Variants in IFT52 observed in about 807,000 individuals in gnomAD.
IFT52 encodes intraflagellar transport 52.
In IFT52, 44 loss-of-function variants were observed where a neutral mutation model predicts 54.4. That is an observed-to-expected ratio of 0.81 (90% CI 0.63 to 1.04). IFT52 has a LOEUF of 1.04. IFT52 is among the 50% of genes least tolerant of loss of function. The probability of loss-of-function intolerance (pLI) is 0.00; values close to 1 mark genes in which losing one functional copy is unlikely to be tolerated. For synonymous variants in IFT52, 181 were observed against 185.3 expected, an observed-to-expected ratio of 0.98 and a Z score of 0.19; for missense variants, 452 against 523.6, an observed-to-expected ratio of 0.86 and a Z score of 1.33.
intron 12 of IFT52, among the ~76,000 whole-genome samples, chr20:43,639,832 T>A (rs1334987444): frequency 6.6e-6 from 1 of 151,508 alleles, no homozygotes; most frequent in Non-Finnish European, 1.5e-5. Context: ...GGACCCTGTT[T>A]CTGAAAAATA....
intron 3 of IFT52, among the ~76,000 whole-genome samples, chr20:43,597,766 C>T (rs1397686176): frequency 4.6e-5 from 7 of 151,362 alleles, no homozygotes; most frequent in East Asian, 2.0e-4. Flanking sequence ...TGATGGTGTG[C>T]GCCTGTAATC....
chr20:43,613,089 G>A (rs1184311376), intron 6 of IFT52, among the ~76,000 whole-genome samples: 1 of 152,208 alleles, frequency 6.6e-6, no homozygotes, highest in Non-Finnish European at 1.5e-5. Context: ...GTGGAGAGTA[G>A]AGGAGGGACT....
At chr20:43,605,942 C>T (rs1283632655) in intron 6 of IFT52, among the ~76,000 whole-genome samples, 4 of 152,128 alleles carry the variant, frequency 2.6e-5, no homozygotes, top group Admixed American at 6.5e-5. Flanking sequence ...ATTTTATAGC[C>T]GGGTGTGGTA....
At chr20:43,605,835 C>T (rs1982825970) in intron 6 of IFT52, among the ~76,000 whole-genome samples, 2 of 152,284 alleles carry the variant, frequency 1.3e-5, no homozygotes, top group South Asian at 2.1e-4. Flanking sequence ...TGCCCAAATG[C>T]ACATGACTAC....
intron 6 of IFT52, 115 bp downstream of exon 6, chr20:43,605,188 C>G: frequency 6.7e-7 from 1 of 1,489,484 alleles, no homozygotes; most frequent in Non-Finnish European, 8.9e-7. Flanking sequence ...TTGAACAGTT[C>G]AAGAGGAAAA....
At chr20:43,608,645 C>G (rs1466106330) in intron 6 of IFT52, among the ~76,000 whole-genome samples, 3 of 152,194 alleles carry the variant, frequency 2.0e-5, no homozygotes, top group Non-Finnish European at 4.4e-5. Flanking sequence ...TGGCTCACCC[C>G]TATAATCCCA....
chr20:43,632,617 A>G (rs983049631), intron 10 of IFT52, among the ~76,000 whole-genome samples: 4 of 152,040 alleles, frequency 2.6e-5, no homozygotes, highest in African/African-American at 9.7e-5. Flanking sequence ...TCCCCCTACA[A>G]TGTAAGTTCC....
chr20:43,600,196 A>G (rs1312971390), intron 3 of IFT52, among the ~76,000 whole-genome samples: 1 of 152,202 alleles, frequency 6.6e-6, no homozygotes, highest in Non-Finnish European at 1.5e-5. Context: ...TGGGATAGGT[A>G]CATATGCAGA....
At chr20:43,619,793 AGAGAAAGAAAC>A (rs1984135945) in intron 8 of IFT52, among the ~76,000 whole-genome samples, 1 of 152,052 alleles carries the variant, frequency 6.6e-6, no homozygotes, top group African/African-American at 2.4e-5. Flanking sequence ...GATTCCAGTG[AGAGAAAGAAAC>A]GCCTTATAAT....
At chr20:43,593,566 T>C (rs547172749) in intron 1 of IFT52, among the ~76,000 whole-genome samples, 1 of 152,222 alleles carries the variant, frequency 6.6e-6, no homozygotes, top group Non-Finnish European at 1.5e-5. Flanking sequence ...TGTAGCTGTT[T>C]TTGTTGTTGT....
chr20:43,596,530 A>G lies in IFT52; in HGVS notation c.207+8A>G, dbSNP rs2145584061. 3 of 1,548,362 alleles carry G rather than the reference A, an allele frequency of 1.9e-6. No individual in the cohort carries two copies. The East Asian group carries it at 6.7e-5, about 35-fold the overall frequency. Reference sequence around the variant, plus strand: ...AAATTTACTGCAGCTGAGGTAAGAAATATCCACTAAAGAAGGAATATGGTG... The same window carrying G: ...AAATTTACTGCAGCTGAGGTAAGAAGTATCCACTAAAGAAGGAATATGGTG... On this transcript the variant is annotated splice_region_variant and intron_variant, in intron 3 of 13. Transcript: ENST00000373030.
intron 2 of IFT52, 40 bp downstream of exon 2, chr20:43,594,857 T>C (rs776059878): frequency 1.9e-6 from 2 of 1,025,648 alleles, no homozygotes; most frequent in Non-Finnish European, 3.1e-6. Flanking sequence ...CTAAATGATA[T>C]TGTCCTGCTG....
chr20:43,629,351 C>T (rs61442672), intron 10 of IFT52, among the ~76,000 whole-genome samples: 8 of 14,342 alleles, frequency 5.6e-4, no homozygotes, highest in Admixed American at 2.2e-3. Context: ...CGACTCACTG[C>T]AAGCTCCGCC....
intron 7 of IFT52, 38 bp from the exon 8 acceptor site, chr20:43,618,902 T>A (rs766783934): frequency 7.1e-7 from 1 of 1,402,552 alleles, no homozygotes; most frequent in South Asian, 1.2e-5. Flanking sequence ...AGATGCACTT[T>A]CGGATTTGAG....
intron 11 of IFT52, 76 bp from the exon 12 acceptor site, chr20:43,637,069 A>G: frequency 1.0e-6 from 1 of 1,002,992 alleles, no homozygotes; most frequent in Admixed American, 1.9e-5. Context: ...ATTTTGGACA[A>G]GCTCTTTCTT....
At position 43,618,943 on chromosome 20, in the gene IFT52, C is replaced by T; in HGVS notation, c.616C>T (p.Gln206Ter). ...GACCCTGCTTTGTCATCAATAGAAC[C>T]AAGGTGGGAAGCTGGCAGTGCTTGG... Reference protein sequence around the residue: ...PILAFYHSKNQGGKLAVLGSC... With the variant: ...PILAFYHSKN Residue 206 changes from glutamine to a stop codon, truncating the protein, a stop_gained, in exon 8 of 14, where the codon CAA becomes TAA. Transcript: ENST00000373030. LOFTEE classifies it high-confidence loss of function. 1 of 1,612,914 alleles carries T rather than the reference C, an allele frequency of 6.2e-7. No individual in the cohort carries two copies. The highest frequency in any genetic ancestry group is 8.5e-7 in the Non-Finnish European group (1 of 1,179,058).
chr20:43,624,147 C>A, intron 10 of IFT52, 102 bp downstream of exon 10: 1 of 1,208,830 alleles, frequency 8.3e-7, no homozygotes, highest in Non-Finnish European at 1.2e-6. Context: ...GTAAATGTGG[C>A]ATGCAGAACA....
intron 10 of IFT52, among the ~76,000 whole-genome samples, chr20:43,626,248 A>G (rs1286859047): frequency 1.3e-5 from 2 of 151,816 alleles, no homozygotes; most frequent in African/African-American, 4.8e-5. Flanking sequence ...ACTTCATCTA[A>G]AGCATACATC....
At chr20:43,628,233 C>G (rs1984893468) in intron 10 of IFT52, among the ~76,000 whole-genome samples, 1 of 151,988 alleles carries the variant, frequency 6.6e-6, no homozygotes, top group African/African-American at 2.4e-5. Flanking sequence ...CCAGCCCAGT[C>G]TTAGCTTTTA....
Sources: gnomAD v4.1 joint callset for allele counts (sites outside exome capture counted in the v4.1 genomes callset) on GRCh38, gnomAD v4.1.1 for gene constraint, MANE v1.5 for transcripts, NCBI Gene and HGNC (gene_info 2026-07-23, HGNC 2026-07-21) for gene names.